Variants in ATP2B2 observed in about 807,000 individuals in gnomAD.
ATP2B2 encodes the protein ATPase plasma membrane Ca2+ transporting 2, also known as plasma membrane calcium-transporting ATPase 2.
Under a neutral mutation model 120.0 loss-of-function variants are expected in ATP2B2, and 15 were observed. The observed-to-expected ratio is 0.12, with a 90% confidence interval of 0.08 to 0.19. ATP2B2 has a LOEUF of 0.19. Among genes scored for constraint, ATP2B2 ranks in the 10% least tolerant of loss-of-function variants. ATP2B2 has a pLI of 1.00. For synonymous variants in ATP2B2, 694 were observed against 700.3 expected (o/e 0.99, Z 0.14); for missense variants, 1,045 against 1,719.8 (o/e 0.61, Z 6.94).
At chr3:10,594,196 A>G (rs2068708833) in intron 2 of ATP2B2, among the ~76,000 whole-genome samples, 1 of 152,174 alleles carries the variant, frequency 6.6e-6, no homozygotes, top group Non-Finnish European at 1.5e-5. Flanking sequence ...ATACCATTTG[A>G]CCCAGCCATC....
intron 18 of ATP2B2, among the ~76,000 whole-genome samples, chr3:10,344,005 C>T (rs2060357981): frequency 1.3e-5 from 2 of 152,122 alleles, no homozygotes; most frequent in Non-Finnish European, 2.9e-5. Flanking sequence ...TCCCAAAGCC[C>T]CATATACCTG....
At chr3:10,485,650 G>C (rs1244590761) in intron 1 of ATP2B2, among the ~76,000 whole-genome samples, 3 of 152,214 alleles carry the variant, frequency 2.0e-5, no homozygotes, top group African/African-American at 7.2e-5. Flanking sequence ...GGTGACGCGG[G>C]AGTGGAGTGG....
intron 3 of ATP2B2, among the ~76,000 whole-genome samples, chr3:10,518,982 A>T (rs1421768497): frequency 1.3e-5 from 2 of 152,234 alleles, no homozygotes; most frequent in Non-Finnish European, 2.9e-5. Flanking sequence ...ATGAGTAATA[A>T]CTAATGTTCA....
At chr3:10,455,821 C>T (rs1306126384) in intron 1 of ATP2B2, among the ~76,000 whole-genome samples, 1 of 152,250 alleles carries the variant, frequency 6.6e-6, no homozygotes, top group Non-Finnish European at 1.5e-5. Context: ...TGGTGTGACC[C>T]TGAGCAAGCC....
chr3:10,668,000 G>C (rs1004223685), intron 1 of ATP2B2, among the ~76,000 whole-genome samples: 13 of 152,184 alleles, frequency 8.5e-5, no homozygotes, highest in Non-Finnish European at 1.9e-4. Context: ...GATAGTGCAG[G>C]GGTGGGCAGG....
At chr3:10,484,821 C>T (rs765699577) in intron 1 of ATP2B2, among the ~76,000 whole-genome samples, 1 of 152,240 alleles carries the variant, frequency 6.6e-6, no homozygotes, top group Non-Finnish European at 1.5e-5. Flanking sequence ...GAAGGAGAAG[C>T]AATGAGTCTG....
chr3:10,521,729 T>C (rs1446225798), intron 3 of ATP2B2, among the ~76,000 whole-genome samples: 1 of 152,212 alleles, frequency 6.6e-6, no homozygotes, highest in African/African-American at 2.4e-5. Flanking sequence ...AGGGAGTTAG[T>C]CTGAGTGTGA....
At chr3:10,379,066 T>G (rs1206632575) in intron 9 of ATP2B2, among the ~76,000 whole-genome samples, 177 bp downstream of exon 9, 1 of 152,160 alleles carries the variant, frequency 6.6e-6, no homozygotes. Context: ...GGTGGACACC[T>G]CTTTATTTGG....
chr3:10,331,400 T>A (rs2059975601), intron 22 of ATP2B2, among the ~76,000 whole-genome samples: 1 of 152,198 alleles, frequency 6.6e-6, no homozygotes, highest in African/African-American at 2.4e-5. Context: ...GAAGTGCAAT[T>A]CAGATGCTGA....
At chr3:10,642,827 C>T (rs940807151) in intron 1 of ATP2B2, among the ~76,000 whole-genome samples, 1 of 152,068 alleles carries the variant, frequency 6.6e-6, no homozygotes, top group African/African-American at 2.4e-5. Context: ...GTAGCTCTGG[C>T]CCCCCAGCCC....
At chr3:10,655,829 T>A (rs1044624945) in intron 1 of ATP2B2, among the ~76,000 whole-genome samples, 7 of 152,206 alleles carry the variant, frequency 4.6e-5, no homozygotes, top group African/African-American at 1.7e-4. Context: ...TCCCTCATAA[T>A]AAACTGTGGA....
intron 1 of ATP2B2, among the ~76,000 whole-genome samples, chr3:10,673,806 C>CAAAAAAAAAAA (rs549651187): frequency 2.7e-5 from 2 of 73,780 alleles, no homozygotes; most frequent in African/African-American, 1.1e-4. Context: ...GACCCTGTTT[C>CAAAAAAAAAAA]AAAAAAAAAA....
chr3:10,365,364 C>T (rs1658705), intron 12 of ATP2B2, among the ~76,000 whole-genome samples: 19,732 of 152,150 alleles, frequency 0.13, 1,688 homozygotes, highest in East Asian at 0.31. Context: ...CCAGGTGGCA[C>T]GAAATTTTGG....
intron 1 of ATP2B2, among the ~76,000 whole-genome samples, chr3:10,492,192 G>C (rs1158152624): frequency 1.3e-5 from 2 of 151,902 alleles, no homozygotes; most frequent in Non-Finnish European, 2.9e-5. Flanking sequence ...TGGGGACACA[G>C]TAATTGCTGG....
chr3:10,482,189 T>C (rs1395875082), intron 1 of ATP2B2, among the ~76,000 whole-genome samples: 1 of 152,210 alleles, frequency 6.6e-6, no homozygotes, highest in East Asian at 1.9e-4. Context: ...TGCATTTACG[T>C]GCTCTGTCTC....
chr3:10,630,283 A>G (rs1175443663), intron 1 of ATP2B2, among the ~76,000 whole-genome samples: 1 of 152,022 alleles, frequency 6.6e-6, no homozygotes, highest in East Asian at 1.9e-4. Context: ...CCCAGTACCC[A>G]TTAGTTACTT....
intron 2 of ATP2B2, among the ~76,000 whole-genome samples, chr3:10,588,754 G>C (rs1269768472): frequency 6.6e-6 from 1 of 152,184 alleles, no homozygotes; most frequent in Non-Finnish European, 1.5e-5. Context: ...AATCTTAAGA[G>C]GTAGAGATGC....
intron 1 of ATP2B2, among the ~76,000 whole-genome samples, chr3:10,681,413 C>A (rs2071380443): frequency 2.0e-5 from 3 of 152,142 alleles, no homozygotes; most frequent in Admixed American, 2.0e-4. Context: ...CCGTGCACCC[C>A]CATTGATCCT....
At chr3:10,424,140 T>A (rs1184882004) in intron 2 of ATP2B2, among the ~76,000 whole-genome samples, 1 of 152,218 alleles carries the variant, frequency 6.6e-6, no homozygotes, top group African/African-American at 2.4e-5. Flanking sequence ...TGCTCCTACA[T>A]GATCATCACT....
Sources: gnomAD v4.1 joint callset for allele counts (sites outside exome capture counted in the v4.1 genomes callset) on GRCh38, gnomAD v4.1.1 for gene constraint, MANE v1.5 for transcripts, NCBI Gene and HGNC (gene_info 2026-07-23, HGNC 2026-07-21) for gene names.